Variants in TACC2 observed in about 807,000 individuals in gnomAD.
TACC2 encodes transforming acidic coiled-coil containing protein 2, also known as transforming acidic coiled-coil-containing protein 2.
A neutral mutation model predicts 227.3 loss-of-function variants in TACC2; 137 were observed. The ratio of observed to expected loss-of-function variants is 0.60; its 90% CI spans 0.52 to 0.69. TACC2 has a LOEUF of 0.69. Ranked by LOEUF, TACC2 falls within the 30% of genes least tolerant of loss-of-function variation. The pLI, the probability that TACC2 is intolerant of heterozygous loss-of-function variation, is 0.00. For synonymous variants in TACC2, 1,523 were observed against 1,487.5 expected (o/e 1.02, Z -0.55); for missense variants, 3,470 against 3,694.4 (o/e 0.94, Z 1.57).
intron 5 of TACC2, among the ~76,000 whole-genome samples, chr10:122,099,091 G>A (rs371855886): frequency 6.6e-5 from 10 of 152,262 alleles, no homozygotes; most frequent in Non-Finnish European, 8.8e-5. Context: ...AAACCGCCTC[G>A]ACAATTTTGG....
chr10:122,108,376 C>T (rs546834857), intron 5 of TACC2, among the ~76,000 whole-genome samples: 7 of 141,016 alleles, frequency 5.0e-5, no homozygotes, highest in South Asian at 2.4e-4. Flanking sequence ...TCCATGCGCG[C>T]GCGCTCTCTC....
At position 122,087,436 on chromosome 10, in the gene TACC2, G is replaced by A; in HGVS notation, c.4936G>A (p.Ala1646Thr). The A allele has an allele frequency of 1.9e-6, 3 of 1,614,038 alleles. No homozygotes were observed. The highest frequency in any genetic ancestry group is 2.5e-6 in the Non-Finnish European group (3 of 1,180,046). Residue 1646 changes from alanine to threonine, a missense_variant, in exon 4 of 23, where the codon GCC becomes ACC. Ala to Thr is a moderately conservative substitution (Grantham distance 58, BLOSUM62 0). Transcript: ENST00000369005. The stretch of plus-strand genomic sequence containing the variant: ...GAGGGAGGTTTTGACTGTGCCTGAG[G>A]CCAACAGTGAGCCCTGGACCCTTGA... ...PQREVLTVPE[A>T]NSEPWTLDTL... is the part of the protein sequence containing the mutation.
intron 7 of TACC2, among the ~76,000 whole-genome samples, chr10:122,171,102 A>G (rs2093451103): frequency 6.6e-6 from 1 of 152,124 alleles, no homozygotes; most frequent in Non-Finnish European, 1.5e-5. Flanking sequence ...TGGGCCTTTT[A>G]AAAAGGAAGG....
At chr10:122,240,916 C>T (rs2095978229) in intron 18 of TACC2, among the ~76,000 whole-genome samples, 1 of 152,154 alleles carries the variant, frequency 6.6e-6, no homozygotes, top group East Asian at 1.9e-4. Flanking sequence ...TCTATTGAGG[C>T]TTCCCAAGAA....
intron 11 of TACC2, among the ~76,000 whole-genome samples, chr10:122,220,948 A>C (rs1188686718): frequency 2.6e-5 from 4 of 152,190 alleles, no homozygotes; most frequent in Admixed American, 6.5e-5. Context: ...TGCCTGACTT[A>C]ACAGCTGTGC....
At chr10:122,065,765 G>C (rs148803957) in intron 3 of TACC2, among the ~76,000 whole-genome samples, 1 of 152,086 alleles carries the variant, frequency 6.6e-6, no homozygotes, top group East Asian at 1.9e-4. Context: ...AGCAGTTTTT[G>C]CTTCTTGTGT....
chr10:122,224,991 A>C (rs2095597622), intron 12 of TACC2, among the ~76,000 whole-genome samples: 1 of 151,826 alleles, frequency 6.6e-6, no homozygotes, highest in Non-Finnish European at 1.5e-5. Context: ...ATTTTCAGGG[A>C]GAAAATGATA....
intron 1 of TACC2, among the ~76,000 whole-genome samples, chr10:121,998,631 A>G (rs184596085): frequency 6.8e-4 from 103 of 152,286 alleles, no homozygotes; most frequent in Admixed American, 1.3e-3. Flanking sequence ...GACTACTCTG[A>G]ATTTGTGACC....
chr10:122,196,049 C>T (rs918683270), intron 8 of TACC2, among the ~76,000 whole-genome samples: 1 of 152,198 alleles, frequency 6.6e-6, no homozygotes, highest in African/African-American at 2.4e-5. Flanking sequence ...CTGCCAGGGG[C>T]CCCCTCGTCC....
Position 122,090,564 on chromosome 10 carries a change from A to G in TACC2, c.5573+1973A>G, listed in dbSNP as rs868018582. Among the ~76,000 whole-genome samples the G allele has an allele frequency of 7.1e-5, 9 of 127,226 alleles. 1 individual carries two copies. The East Asian group carries it at 1.1e-3, about 15-fold the overall frequency. The allele number at this position is 127,226 out of a possible 152,430, so 83.5% of individuals were successfully genotyped here. On this transcript the variant is annotated intron_variant, in intron 5 of 22. Coordinates refer to ENST00000369005, the MANE Select transcript of TACC2 (RefSeq NM_206862.4). ...TCTATCTCAAAAAAAAAAAAAAAAG[A>G]AAAAAAAAAAAGAAAGAAAAGTAGA...
rs1240077235 is a variant in TACC2, at chr10:122,215,328, G to A, written c.7284-63G>A. On this transcript the variant is annotated intron_variant, in intron 9 of 22. Transcript: ENST00000369005. The stretch of plus-strand genomic sequence containing the variant: ...AGAGGCAGTAGCTTCGGTCCGCTCT[G>A]TACTGCTCTGGAGTGTTCCGTCCCT... 4 of 1,465,204 alleles carry A rather than the reference G, an allele frequency of 2.7e-6. No individual in the cohort carries two copies. The Admixed American group carries it at 6.7e-5, about 25-fold the overall frequency. The allele number at this position is 1,465,204 out of a possible 1,614,324, so 90.8% of individuals were successfully genotyped here.
intron 16 of TACC2, among the ~76,000 whole-genome samples, chr10:122,235,920 G>T (rs2095849567): frequency 6.6e-6 from 1 of 152,144 alleles, no homozygotes. Flanking sequence ...TCCTGCTTCA[G>T]GGTCACCCCA....
At chr10:122,041,013 G>T (rs1325680475) in intron 2 of TACC2, among the ~76,000 whole-genome samples, 2 of 152,180 alleles carry the variant, frequency 1.3e-5, no homozygotes, top group African/African-American at 2.4e-5. Flanking sequence ...AATGAGGTTT[G>T]CTGCTGCAGG....
intron 19 of TACC2, chr10:122,248,419 C>G: frequency 1.7e-6 from 1 of 572,740 alleles, no homozygotes; most frequent in Non-Finnish European, 3.1e-6. Flanking sequence ...TTCTACCTCA[C>G]GCGAGGCTGC....
Position 122,087,547 on chromosome 10 carries a change from C to T in TACC2, c.5047C>T (p.Pro1683Ser), listed in dbSNP as rs995530793. 3 of 1,613,828 alleles carry T rather than the reference C, an allele frequency of 1.9e-6. No homozygotes were observed. The highest frequency in any genetic ancestry group is 4.5e-5 in the East Asian group (2 of 44,886). ...NALGNQSTPA[P>S]PTGEVADTPL... ...CCTGGGCAACCAGAGCACCCCTGCA[C>T]CACCAACTGGAGAAGTGGCAGACAC... Residue 1683 changes from proline (P) to serine (S), a missense_variant, in exon 4 of 23, where the codon CCA becomes TCA. Pro to Ser is a moderately conservative substitution (Grantham distance 74). This residue lies in a region of TACC2 where 1,924 missense variants were observed against 1,978.3 expected (regional missense o/e 0.97). Transcript: ENST00000369005.
At chr10:122,108,667 A>G (rs1383841148) in intron 5 of TACC2, among the ~76,000 whole-genome samples, 1 of 151,246 alleles carries the variant, frequency 6.6e-6, no homozygotes, top group African/African-American at 2.4e-5. Flanking sequence ...GATGTTCTCA[A>G]TCTCTTGACT....
Position 122,087,804 on chromosome 10 carries a change from C to A in TACC2, c.5304C>A (p.Ser1768Arg). The change falls in exon 4 of 23, where the codon AGC becomes AGA. Residue 1768 changes from serine (S) to arginine (R), a missense_variant. Physicochemically the swap from Ser to Arg is moderately radical, Grantham distance 110. Coordinates refer to ENST00000369005, the MANE Select transcript of TACC2 (RefSeq NM_206862.4). ...GTACAGCTGCCCTTCATGGGGACAG[C>A]CCAGCCAGGCCCCAGCAGGCTAAGG... ...MEGTAALHGD[S>R]PARPQQAKEQ... 6.3e-7 allele frequency: 1 copy of A among 1,578,982 alleles called. No individual in the cohort carries two copies.
At chr10:122,219,763 CGTG>C (rs2095487388) in intron 11 of TACC2, among the ~76,000 whole-genome samples, 1 of 152,060 alleles carries the variant, frequency 6.6e-6, no homozygotes, top group African/African-American at 2.4e-5. Context: ...TGGGGCCGGG[CGTG>C]GTGGCTCACA....
intron 5 of TACC2, chr10:122,088,850 G>A (rs964322105): frequency 4.3e-6 from 5 of 1,159,652 alleles, no homozygotes; most frequent in Non-Finnish European, 2.4e-6. Flanking sequence ...TCTGGGTGCG[G>A]TGGCTCATGC....
Sources: gnomAD v4.1 joint callset for allele counts (sites outside exome capture counted in the v4.1 genomes callset) on GRCh38, gnomAD v4.1.1 for gene constraint, gnomAD v4.1.1 regional missense constraint, MANE v1.5 for transcripts, NCBI Gene and HGNC (gene_info 2026-07-23, HGNC 2026-07-21) for gene names.